SNX29: variants seen among roughly 807,000 people sequenced by gnomAD.
The protein encoded by SNX29 is sorting nexin 29, also known as sorting nexin-29.
In SNX29, 78 loss-of-function variants were observed where a neutral mutation model predicts 102.1. The ratio of observed to expected loss-of-function variants is 0.76; its 90% CI spans 0.64 to 0.92. SNX29 has a LOEUF of 0.92. Among genes scored for constraint, SNX29 ranks in the 40% least tolerant of loss-of-function variants. The pLI, the probability that SNX29 is intolerant of heterozygous loss-of-function variation, is 0.00. For missense variants in SNX29, 1,280 were observed against 1,061.7 expected (o/e 1.21, Z -2.86); for synonymous variants, 580 against 414.5 (o/e 1.40, Z -4.85).
intron 3 of SNX29, among the ~76,000 whole-genome samples, chr16:12,027,055 G>A (rs2151116362): frequency 6.6e-6 from 1 of 152,274 alleles, no homozygotes; most frequent in South Asian, 2.1e-4. Context: ...CTGTTCCCAT[G>A]TTCCTTGTGA....
At position 12,108,235 on chromosome 16, in the gene SNX29, G is replaced by C. The variant is rs2053349678; in HGVS notation, c.1403-18398G>C. 2.0e-5 allele frequency among the ~76,000 whole-genome samples: 3 copies of C among 152,344 alleles called. No individual in the cohort carries two copies. In the South Asian group the frequency reaches 6.2e-4, roughly 32 times the overall value. On this transcript the variant is annotated intron_variant, in intron 11 of 20. Coordinates refer to ENST00000566228, the MANE Select transcript of SNX29 (RefSeq NM_032167.5). ...TGGCATTCTTTGATGAGCTATGGTA[G>C]AGGTTAGGAAGGGCCAGGACTGAGG... is the stretch of plus-strand genomic sequence containing the variant.
At chr16:12,554,919 TGAG>T (rs532761930) in intron 20 of SNX29, among the ~76,000 whole-genome samples, 43 of 151,476 alleles carry the variant, frequency 2.8e-4, no homozygotes, top group South Asian at 1.3e-3. Context: ...GGAGAGGGGC[TGAG>T]GAGGGCAGCA....
At chr16:12,533,313 G>A (rs537371002) in intron 20 of SNX29, among the ~76,000 whole-genome samples, 3 of 152,218 alleles carry the variant, frequency 2.0e-5, no homozygotes, top group Non-Finnish European at 2.9e-5. Context: ...GTCACTGTTC[G>A]TGGGCTGGTA....
At chr16:12,436,225 G>A (rs1036266351) in intron 18 of SNX29, among the ~76,000 whole-genome samples, 1 of 151,996 alleles carries the variant, frequency 6.6e-6, no homozygotes, top group Non-Finnish European at 1.5e-5. Flanking sequence ...ACAGGTGAGG[G>A]CCACGCCTCC....
chr16:12,505,229 G>C (rs1485425460), intron 19 of SNX29, among the ~76,000 whole-genome samples: 2 of 152,138 alleles, frequency 1.3e-5, no homozygotes, highest in African/African-American at 4.8e-5. Flanking sequence ...TGGTGTCTTA[G>C]TCTGTTCAGG....
chr16:12,458,986 A>G (rs1017637074), intron 18 of SNX29, among the ~76,000 whole-genome samples: 8 of 152,190 alleles, frequency 5.3e-5, no homozygotes, highest in African/African-American at 1.9e-4. Flanking sequence ...AGCTTGATCT[A>G]GGGTCTCAGC....
At chr16:12,464,082 A>T (rs1328623634) in intron 18 of SNX29, among the ~76,000 whole-genome samples, 1 of 150,734 alleles carries the variant, frequency 6.6e-6, no homozygotes, top group East Asian at 1.9e-4. Flanking sequence ...ATAGAACTTC[A>T]CTCACGTCCG....
chr16:12,306,955 C>G (rs1013594121), intron 15 of SNX29, among the ~76,000 whole-genome samples: 1 of 152,148 alleles, frequency 6.6e-6, no homozygotes, highest in African/African-American at 2.4e-5. Flanking sequence ...CCTGCACCCC[C>G]TTGTGCAGGG....
At chr16:12,478,247 T>G (rs548254430) in intron 19 of SNX29, among the ~76,000 whole-genome samples, 1 of 152,368 alleles carries the variant, frequency 6.6e-6, no homozygotes, top group African/African-American at 2.4e-5. Context: ...TAGCATTTTA[T>G]TTTTAAGAAT....
intron 18 of SNX29, among the ~76,000 whole-genome samples, chr16:12,469,542 G>T (rs1055060126): frequency 6.6e-6 from 1 of 152,174 alleles, no homozygotes; most frequent in African/African-American, 2.4e-5. Flanking sequence ...AGCATAAAGG[G>T]GATCAGGGTT....
intron 11 of SNX29, among the ~76,000 whole-genome samples, chr16:12,116,807 A>C (rs1420922473): frequency 6.6e-6 from 1 of 152,248 alleles, no homozygotes; most frequent in Non-Finnish European, 1.5e-5. Context: ...AACGCGGACG[A>C]ACCGTGGAAA....
intron 15 of SNX29, among the ~76,000 whole-genome samples, chr16:12,334,986 A>G (rs2081404709): frequency 6.9e-6 from 1 of 144,010 alleles, no homozygotes; most frequent in South Asian, 2.2e-4. Context: ...TCGACTGAGC[A>G]TTCCGTCAGC....
In SNX29 at chr16:12,568,713, C is replaced by G; in HGVS notation, c.*84C>G. 6.5e-7 allele frequency: 1 copy of G among 1,541,180 alleles called. No individual in the cohort carries two copies. Among genetic ancestry groups the G allele is most frequent in the Admixed American group, 1.9e-5 (1 of 51,914 alleles). ...CACTGCCGCTGGCCCCTCACCTCAG[C>G]GTGACAACCACGTCCACCTGGTGAT... On this transcript the variant is annotated 3_prime_UTR_variant, in exon 21 of 21. Coordinates refer to ENST00000566228, the MANE Select transcript of SNX29 (RefSeq NM_032167.5).
intron 19 of SNX29, among the ~76,000 whole-genome samples, chr16:12,522,331 A>G (rs1026386344): frequency 7.2e-6 from 1 of 139,762 alleles, no homozygotes; most frequent in Non-Finnish European, 1.5e-5. Context: ...CCCTGGCTCA[A>G]AGGTGCCTCT....
chr16:12,554,027 T>C (rs1008217689), intron 20 of SNX29, among the ~76,000 whole-genome samples: 11 of 152,194 alleles, frequency 7.2e-5, no homozygotes, highest in African/African-American at 2.2e-4. Context: ...GTTTTAACCA[T>C]GTTGCCCAGG....
At chr16:12,558,213 TCA>T (rs778676393) in intron 20 of SNX29, among the ~76,000 whole-genome samples, 4 of 101,298 alleles carry the variant, frequency 3.9e-5, no homozygotes, top group African/African-American at 1.2e-4. Flanking sequence ...AGCAGAACCA[TCA>T]CAGAGCCTCT....
chr16:11,977,146 G>T (rs933143825), intron 1 of SNX29: 1 of 315,746 alleles, frequency 3.2e-6, no homozygotes, highest in Non-Finnish European at 5.8e-6. Flanking sequence ...CCAGGTCTCA[G>T]TCTCTCCTAA....
chr16:11,984,015 G>A (rs2055497076), intron 1 of SNX29, among the ~76,000 whole-genome samples: 1 of 152,160 alleles, frequency 6.6e-6, no homozygotes, highest in Admixed American at 6.5e-5. Context: ...TGGAGGGGAT[G>A]ATTAGCAAAA....
At chr16:12,152,998 G>A (rs991507281) in intron 13 of SNX29, among the ~76,000 whole-genome samples, 17 of 152,168 alleles carry the variant, frequency 1.1e-4, no homozygotes, top group Non-Finnish European at 2.2e-4. Context: ...TGGTCATTAG[G>A]GTGGTTTTTA....
Sources: allele counts gnomAD v4.1 joint callset (sites outside exome capture counted in the v4.1 genomes callset), GRCh38; gene constraint gnomAD v4.1.1; transcripts MANE v1.5; gene names NCBI Gene and HGNC (gene_info 2026-07-23, HGNC 2026-07-21).